Variants in CDH1 observed in about 807,000 individuals in gnomAD.
CDH1 encodes the protein cadherin-1.
In CDH1, 35 loss-of-function variants were observed where a neutral mutation model predicts 84.5. That is an observed-to-expected ratio of 0.41 (90% CI 0.32 to 0.55). The LOEUF (loss-of-function observed/expected upper bound fraction) is 0.55. Among genes scored for constraint, CDH1 ranks in the 20% least tolerant of loss-of-function variants. The pLI is 0.19. For missense variants in CDH1, 994 were observed against 1,126.6 expected (o/e 0.88, Z 1.68); for synonymous variants, 417 against 439.0 (o/e 0.95, Z 0.63).
At chr16:68,768,628 G>T (rs997831964) in intron 2 of CDH1, among the ~76,000 whole-genome samples, 1 of 152,208 alleles carries the variant, frequency 6.6e-6, no homozygotes, top group African/African-American at 2.4e-5. Context: ...GGAGGCTGAG[G>T]TGAGAGGATC....
At chr16:68,812,635 C>T (rs746481070) in intron 8 of CDH1, among the ~76,000 whole-genome samples, 7 of 152,250 alleles carry the variant, frequency 4.6e-5, no homozygotes, top group Non-Finnish European at 7.3e-5. Context: ...ATTCCATTCT[C>T]ATGGTGTTTC....
At chr16:68,804,851 G>T (rs1446141868) in intron 3 of CDH1, among the ~76,000 whole-genome samples, 4 of 86,792 alleles carry the variant, frequency 4.6e-5, no homozygotes, top group African/African-American at 1.6e-4. Context: ...TTTTTTTGGA[G>T]ACAGAGTCTT....
chr16:68,743,352 TTTCTTTCTTTC>T lies in CDH1; in HGVS notation c.163+4944_163+4954del, dbSNP rs1293321303. The stretch of plus-strand genomic sequence containing the variant: ...CTTTCTTTCTTTCTTTCTTTCTTTC[TTTCTTTCTTTC>T]TTTTCTTTTCTTTCTTTTGAGACGG... On this transcript the variant is annotated intron_variant, in intron 2 of 15. Transcript: ENST00000261769. Among the ~76,000 whole-genome samples the T allele has an allele frequency of 4.3e-3, 269 of 62,994 alleles. 18 individuals carry two copies. Among genetic ancestry groups the T allele is most frequent in the African/African-American group, 0.017 (258 of 15,142 alleles). The allele number at this position is 62,994 out of a possible 152,430, so 41.3% of individuals were successfully genotyped here.
intron 2 of CDH1, among the ~76,000 whole-genome samples, chr16:68,755,978 G>T (rs1229492142): frequency 6.6e-6 from 1 of 151,062 alleles, no homozygotes; most frequent in Non-Finnish European, 1.5e-5. Flanking sequence ...TGGCCAGGCT[G>T]GTCTCCAACT....
chr16:68,766,984 C>T (rs1280171285), intron 2 of CDH1, among the ~76,000 whole-genome samples: 1 of 152,068 alleles, frequency 6.6e-6, no homozygotes, highest in Non-Finnish European at 1.5e-5. Context: ...GTCTCGGCCT[C>T]CCAAATTGCT....
At chr16:68,829,605 A>C (rs2152142154) in intron 14 of CDH1, 49 bp from the exon 15 acceptor site, 2 of 1,579,486 alleles carry the variant, frequency 1.3e-6, no homozygotes, top group Non-Finnish European at 1.7e-6. Context: ...TGTGTGTATG[A>C]CTATTTCTTT....
chr16:68,750,150 C>CTTTTTTTTT (rs34551002), intron 2 of CDH1, among the ~76,000 whole-genome samples: 2 of 79,094 alleles, frequency 2.5e-5, no homozygotes, highest in South Asian at 4.8e-4. Flanking sequence ...TAGAATTCAG[C>CTTTTTTTTT]TTTTTTTTTT....
At chr16:68,799,986 G>C (rs1004707587) in intron 2 of CDH1, among the ~76,000 whole-genome samples, 3 of 151,102 alleles carry the variant, frequency 2.0e-5, no homozygotes, top group Non-Finnish European at 4.4e-5. Flanking sequence ...CTCCAGCCTC[G>C]GCAACAGAGC....
chr16:68,811,547 T>C, intron 6 of CDH1, 137 bp from the exon 7 acceptor site: 1 of 745,882 alleles, frequency 1.3e-6, no homozygotes. Context: ...GTAAGAATTC[T>C]AGGAATTAGG....
intron 2 of CDH1, among the ~76,000 whole-genome samples, chr16:68,800,437 T>C (rs1729455978): frequency 6.6e-6 from 1 of 151,980 alleles, no homozygotes; most frequent in Non-Finnish European, 1.5e-5. Context: ...GCTTCAGAAA[T>C]GTTTGCAAGG....
chr16:68,738,895 C>CTTGG (rs1962478999), intron 2 of CDH1, among the ~76,000 whole-genome samples: 1 of 122,740 alleles, frequency 8.1e-6, no homozygotes, highest in Non-Finnish European at 1.6e-5. Context: ...GCAGCCCTCT[C>CTTGG]TTGGTTACTG....
rs117603194 is a variant in CDH1, at chr16:68,779,612, T to C, written c.164-22058T>C. Among the ~76,000 whole-genome samples the C allele has an allele frequency of 5.9e-3, 899 of 152,240 alleles. 4 individuals carry two copies. Among genetic ancestry groups the C allele is most frequent in the Admixed American group, 0.011 (165 of 15,296 alleles). ...GGCTCACACCTGTAATCCCAGCACT[T>C]TGGGAGGCCGAGCAGGCAGGAGGAT... On this transcript the variant is annotated intron_variant, in intron 2 of 15. Transcript: ENST00000261769.
intron 2 of CDH1, among the ~76,000 whole-genome samples, chr16:68,799,935 A>C (rs1398124132): frequency 6.6e-6 from 1 of 151,846 alleles, no homozygotes; most frequent in Admixed American, 6.6e-5. Flanking sequence ...GCTTGAACCC[A>C]GGAGGCGGAG....
At chr16:68,740,564 C>T (rs938329484) in intron 2 of CDH1, among the ~76,000 whole-genome samples, 8 of 152,024 alleles carry the variant, frequency 5.3e-5, no homozygotes, top group Non-Finnish European at 8.8e-5. Context: ...TCTGAGCATG[C>T]GTCTGGGGTG....
At chr16:68,794,981 C>T (rs1229559236) in intron 2 of CDH1, among the ~76,000 whole-genome samples, 2 of 151,882 alleles carry the variant, frequency 1.3e-5, no homozygotes, top group Admixed American at 6.6e-5. Flanking sequence ...CGTGAGCCAC[C>T]GCACCTGGCC....
intron 6 of CDH1, 109 bp downstream of exon 6, chr16:68,810,450 C>A: frequency 2.9e-6 from 3 of 1,025,572 alleles, no homozygotes; most frequent in South Asian, 1.3e-5. Context: ...ATCCTTCCTA[C>A]GGACAGAACT....
chr16:68,790,598 C>T (rs1597877221), intron 2 of CDH1, among the ~76,000 whole-genome samples: 1 of 152,166 alleles, frequency 6.6e-6, no homozygotes, highest in South Asian at 2.1e-4. Context: ...ACGCATTTCC[C>T]TCCCTAAGAC....
At chr16:68,809,638 A>G (rs748916337) in intron 5 of CDH1, among the ~76,000 whole-genome samples, 16 of 151,742 alleles carry the variant, frequency 1.1e-4, no homozygotes, top group Admixed American at 5.3e-4. Flanking sequence ...CGACACTCCC[A>G]CCCCATCTTC....
intron 2 of CDH1, among the ~76,000 whole-genome samples, chr16:68,801,091 C>A (rs1960484506): frequency 6.6e-6 from 1 of 152,064 alleles, no homozygotes; most frequent in South Asian, 2.1e-4. Context: ...AGTATTAATA[C>A]TTTTTAAAGT....
Sources: allele counts gnomAD v4.1 joint callset (sites outside exome capture counted in the v4.1 genomes callset), GRCh38; gene constraint gnomAD v4.1.1; transcripts MANE v1.5; gene names NCBI Gene and HGNC (gene_info 2026-07-23, HGNC 2026-07-21).